BYSL: variants seen among roughly 807,000 people sequenced by gnomAD.
BYSL encodes bystin like, also known as bystin.
A neutral mutation model predicts 45.4 loss-of-function variants in BYSL; 21 were observed. The ratio of observed to expected loss-of-function variants is 0.46; its 90% CI spans 0.33 to 0.67. The LOEUF is 0.67. Ranked by LOEUF, BYSL falls within the 30% of genes least tolerant of loss-of-function variation. The pLI, the probability that BYSL is intolerant of heterozygous loss-of-function variation, is 0.02. For missense variants in BYSL, 522 were observed against 578.5 expected (o/e 0.90, Z 1.00); for synonymous variants, 215 against 231.3 (o/e 0.93, Z 0.64).
At chr6:41,918,928 T>C (rs1190036010), upstream of BYSL, among the ~76,000 whole-genome samples, 1 of 110,204 alleles carries the variant, frequency 9.1e-6, no homozygotes, top group African/African-American at 3.7e-5. Flanking sequence ...CAGTCCGGCC[T>C]GGGCGACAGA....
At chr6:41,921,086 A>C (rs938650378), upstream of BYSL, 1 of 1,596,196 alleles carries the variant, frequency 6.3e-7, no homozygotes. Flanking sequence ...GCCCACAGAA[A>C]CTCCTTCAGT....
chr6:41,926,233 T>C (rs1307259114), intron 1 of BYSL, among the ~76,000 whole-genome samples: 1 of 152,204 alleles, frequency 6.6e-6, no homozygotes, highest in African/African-American at 2.4e-5. Flanking sequence ...TCTCTACTAC[T>C]CATTGTGGCA....
chr6:41,909,702 T>C, the BYSL span, among the ~76,000 whole-genome samples: 4 of 152,034 alleles, frequency 2.6e-5, no homozygotes, highest in African/African-American at 4.8e-5. Context: ...TAGGGGGAAA[T>C]AGCAGGAGAG....
the BYSL span, among the ~76,000 whole-genome samples, chr6:41,914,024 G>T: frequency 6.6e-6 from 1 of 152,176 alleles, no homozygotes; most frequent in East Asian, 1.9e-4. Context: ...GTACTGGGAA[G>T]AGTCCAAAAA....
upstream of BYSL, chr6:41,920,964 C>T (rs1360715630): frequency 1.3e-6 from 2 of 1,599,074 alleles, no homozygotes. Flanking sequence ...CGGCCTTTCA[C>T]AACTCCAAGC....
intron 5 of BYSL, 76 bp from the exon 6 acceptor site, chr6:41,931,652 T>G: frequency 6.2e-7 from 1 of 1,606,146 alleles, no homozygotes; most frequent in South Asian, 1.1e-5. Flanking sequence ...GTCCCTGGGC[T>G]GGGTGGGAAT....
chr6:41,927,203 C>G (rs377451907), intron 1 of BYSL, among the ~76,000 whole-genome samples, 171 bp from the exon 2 acceptor site: 16 of 152,096 alleles, frequency 1.1e-4, no homozygotes, highest in African/African-American at 3.4e-4. Context: ...GTTTCTCAAG[C>G]ATGATTGCAA....
chr6:41,927,226 A>T (rs767273993), intron 1 of BYSL, 148 bp from the exon 2 acceptor site: 2 of 850,376 alleles, frequency 2.4e-6, no homozygotes, highest in Non-Finnish European at 3.5e-6. Context: ...CCCTGGGGAC[A>T]GGGAGCTAAT....
the BYSL span, among the ~76,000 whole-genome samples, chr6:41,910,623 C>T: frequency 2.1e-5 from 3 of 145,608 alleles, no homozygotes; most frequent in African/African-American, 7.6e-5. Flanking sequence ...CAGAGCAATA[C>T]TCTATCTCCA....
upstream of BYSL, among the ~76,000 whole-genome samples, chr6:41,920,427 G>C (rs1422443284): frequency 6.6e-6 from 1 of 152,148 alleles, no homozygotes; most frequent in East Asian, 1.9e-4. Flanking sequence ...CCTGTCTGCA[G>C]GTGGGTCATA....
chr6:41,916,895 G>A (rs754688891), upstream of BYSL: 2 of 1,614,038 alleles, frequency 1.2e-6, no homozygotes, highest in Non-Finnish European at 1.7e-6. Context: ...GAGCTCTACG[G>A]TTTGCTGAAC....
chr6:41,917,680 G>C, upstream of BYSL: 1 of 445,030 alleles, frequency 2.2e-6, no homozygotes, highest in Non-Finnish European at 4.8e-6. Flanking sequence ...GATGACACAC[G>C]GACTGAGAAT....
chr6:41,927,814 TC>T (rs1775584572), intron 2 of BYSL, among the ~76,000 whole-genome samples: 1 of 152,194 alleles, frequency 6.6e-6, no homozygotes, highest in South Asian at 2.1e-4. Context: ...GGGAGAGCCA[TC>T]CTATTGCATT....
chr6:41,930,473 T>C, intron 3 of BYSL, 162 bp from the exon 4 acceptor site: 1 of 1,220,334 alleles, frequency 8.2e-7, no homozygotes, highest in Non-Finnish European at 1.1e-6. Flanking sequence ...ACTGGAACTC[T>C]CACTGGTCAT....
chr6:41,925,545 A>G (rs1189699116), intron 1 of BYSL, among the ~76,000 whole-genome samples: 2 of 151,474 alleles, frequency 1.3e-5, no homozygotes, highest in Non-Finnish European at 2.9e-5. Context: ...TTGTATTTTT[A>G]GTAGAGACGG....
chr6:41,931,868 A>G (rs781516355), intron 6 of BYSL, 38 bp downstream of exon 6: 2 of 1,559,718 alleles, frequency 1.3e-6, no homozygotes, highest in Admixed American at 1.7e-5. Flanking sequence ...TGGTCAGTGG[A>G]TATCCAGATA....
upstream of BYSL, among the ~76,000 whole-genome samples, chr6:41,918,932 C>T (rs1309940650): frequency 6.9e-5 from 8 of 116,180 alleles, no homozygotes; most frequent in Non-Finnish European, 1.2e-4. Context: ...CCGGCCTGGG[C>T]GACAGAGCGA....
chr6:41,917,672 T>C, upstream of BYSL: 1 of 434,974 alleles, frequency 2.3e-6, no homozygotes, highest in Non-Finnish European at 4.9e-6. Flanking sequence ...AGATTCTAGA[T>C]GACACACGGA....
the BYSL span, chr6:41,909,540 C>T: frequency 6.2e-7 from 1 of 1,609,728 alleles, no homozygotes. Flanking sequence ...GGACAGAGAT[C>T]CTATTCATCA....
Sources: allele counts gnomAD v4.1 joint callset (sites outside exome capture counted in the v4.1 genomes callset), GRCh38; gene constraint gnomAD v4.1.1; transcripts MANE v1.5; gene names NCBI Gene and HGNC (gene_info 2026-07-23, HGNC 2026-07-21).